The following MCTP1 variants were observed in gnomAD, a reference collection of about 807,000 sequenced individuals.
The protein encoded by MCTP1 is multiple C2 and transmembrane domain-containing protein 1.
MCTP1 carries 69 observed loss-of-function variants against 120.6 expected under a neutral mutation model. The observed-to-expected ratio is 0.57, with a 90% CI of 0.47 to 0.70. The LOEUF is 0.70. Ranked by LOEUF, MCTP1 falls within the 30% of genes least tolerant of loss-of-function variation. The probability of loss-of-function intolerance (pLI) is 0.00; values close to 1 mark genes in which losing one functional copy is unlikely to be tolerated. For missense variants in MCTP1, 1,203 were observed against 1,248.8 expected, an observed-to-expected ratio of 0.96 and a Z score of 0.55; for synonymous variants, 529 against 493.1, an observed-to-expected ratio of 1.07 and a Z score of -0.96.
At chr5:94,914,947 T>A (rs1302764869) in intron 8 of MCTP1, among the ~76,000 whole-genome samples, 1 of 152,216 alleles carries the variant, frequency 6.6e-6, no homozygotes, top group Non-Finnish European at 1.5e-5. Flanking sequence ...CCACTTCTGC[T>A]GCTGTTGAGA....
intron 19 of MCTP1, among the ~76,000 whole-genome samples, chr5:94,763,940 C>A (rs1022262576): frequency 3.3e-5 from 5 of 152,106 alleles, no homozygotes; most frequent in African/African-American, 1.2e-4. Context: ...TATTTATCAG[C>A]CTAGATTAAG....
At chr5:94,897,679 A>G (rs1385807822) in intron 10 of MCTP1, among the ~76,000 whole-genome samples, 1 of 152,120 alleles carries the variant, frequency 6.6e-6, no homozygotes, top group Non-Finnish European at 1.5e-5. Flanking sequence ...TTTTCCCCCA[A>G]ACTTTTATTT....
chr5:95,061,407 G>GGTTGTTTTTTTTT (rs749862250), intron 1 of MCTP1, among the ~76,000 whole-genome samples: 1 of 67,858 alleles, frequency 1.5e-5, no homozygotes, highest in South Asian at 5.0e-4. Context: ...ACCCCTTAAG[G>GGTTGTTTTTTTTT]GTTTTTTTTT....
At chr5:94,831,157 C>T (rs168846) in intron 17 of MCTP1, among the ~76,000 whole-genome samples, 1 of 152,074 alleles carries the variant, frequency 6.6e-6, no homozygotes, top group East Asian at 1.9e-4. Flanking sequence ...TAAAACATGC[C>T]GCATTGCCAA....
In MCTP1 at chr5:95,106,805, G is replaced by A. The variant is rs371222525; in HGVS notation, c.721-89321C>T. Among the ~76,000 whole-genome samples, 45 of 152,278 alleles carry A rather than the reference G, an allele frequency of 3.0e-4. 1 individual carries two copies. In the South Asian group the frequency reaches 6.6e-3, roughly 22 times the overall value. ...GAAAGCATGGTTCACAGATGTCTGC[G>A]TTGACTCCATCTAACTGATCCAGAA... is the stretch of plus-strand genomic sequence containing the variant. On this transcript the variant is annotated intron_variant, in intron 1 of 22. Coordinates refer to ENST00000515393, the MANE Select transcript of MCTP1 (RefSeq NM_024717.7).
intron 1 of MCTP1, among the ~76,000 whole-genome samples, chr5:95,032,447 A>G (rs1417910600): frequency 1.3e-5 from 2 of 152,152 alleles, no homozygotes; most frequent in African/African-American, 2.4e-5. Context: ...TCTCAAAACC[A>G]TACAAGTACA....
intron 1 of MCTP1, among the ~76,000 whole-genome samples, chr5:95,053,249 C>T (rs999921375): frequency 1.3e-5 from 2 of 152,154 alleles, no homozygotes; most frequent in African/African-American, 4.8e-5. Flanking sequence ...AAGCATATCT[C>T]CACCCCCACT....
Position 94,860,004 on chromosome 5 carries a change from C to T in MCTP1, c.2436+8329G>A, listed in dbSNP as rs534539184. Among the ~76,000 whole-genome samples, 3 of 151,666 alleles carry T rather than the reference C, an allele frequency of 2.0e-5. No individual in the cohort carries two copies. In the East Asian group the frequency reaches 5.9e-4, roughly 30 times the overall value. On this transcript the variant is annotated intron_variant, in intron 17 of 22. Transcript: ENST00000515393. Reference sequence around the variant, plus strand: ...TAGAATGATTTAACTATGGAAAATGCATTAAGATTATTTATATATAGCTAC... The same window carrying T: ...TAGAATGATTTAACTATGGAAAATGTATTAAGATTATTTATATATAGCTAC...
intron 10 of MCTP1, 107 bp downstream of exon 10, chr5:94,909,144 C>A: frequency 1.5e-6 from 2 of 1,306,654 alleles, no homozygotes; most frequent in Non-Finnish European, 1.1e-6. Flanking sequence ...TGGTAAAGTC[C>A]CTTTCTTCAA....
intron 19 of MCTP1, among the ~76,000 whole-genome samples, chr5:94,717,246 A>T (rs1177938374): frequency 2.0e-5 from 3 of 152,228 alleles, no homozygotes; most frequent in Non-Finnish European, 4.4e-5. Flanking sequence ...AAAGTAATTC[A>T]TCACATAAAC....
chr5:95,236,320 A>G (rs1755540701), intron 1 of MCTP1, among the ~76,000 whole-genome samples: 1 of 152,260 alleles, frequency 6.6e-6, no homozygotes, highest in African/African-American at 2.4e-5. Context: ...TTTAGAAGAT[A>G]GGGAATATAT....
intron 1 of MCTP1, among the ~76,000 whole-genome samples, chr5:95,076,172 A>C (rs1429511888): frequency 6.6e-6 from 1 of 151,094 alleles, no homozygotes; most frequent in Non-Finnish European, 1.5e-5. Context: ...AATTATAATG[A>C]TATATTATGA....
intron 8 of MCTP1, among the ~76,000 whole-genome samples, chr5:94,916,524 ATTACTT>A (rs1810106292): frequency 6.6e-6 from 1 of 152,192 alleles, no homozygotes. Flanking sequence ...ATAGTCATTT[ATTACTT>A]TTACTTATTT....
chr5:94,908,861 G>A (rs974567184), intron 10 of MCTP1, among the ~76,000 whole-genome samples: 12 of 152,006 alleles, frequency 7.9e-5, no homozygotes, highest in Non-Finnish European at 1.3e-4. Context: ...CTTGTAGGGC[G>A]TTGTAGAAAA....
chr5:94,913,302 T>C (rs1424146613), intron 8 of MCTP1, among the ~76,000 whole-genome samples: 1 of 152,186 alleles, frequency 6.6e-6, no homozygotes, highest in Non-Finnish European at 1.5e-5. Context: ...TGCCAAAATA[T>C]GTATACAATA....
chr5:94,714,743 A>G, intron 20 of MCTP1, 34 bp downstream of exon 20: 2 of 1,268,210 alleles, frequency 1.6e-6, no homozygotes, highest in Non-Finnish European at 2.3e-6. Flanking sequence ...CTTATCCCAC[A>G]GAAGAATGGG....
At chr5:94,764,827 C>T (rs981113844) in intron 19 of MCTP1, among the ~76,000 whole-genome samples, 1 of 94,830 alleles carries the variant, frequency 1.1e-5, no homozygotes, top group South Asian at 4.1e-4. Flanking sequence ...ATGACCTGGA[C>T]CAAAAAAAAA....
intron 1 of MCTP1, among the ~76,000 whole-genome samples, chr5:95,182,980 C>T (rs1377390168): frequency 3.4e-5 from 5 of 148,984 alleles, no homozygotes; most frequent in African/African-American, 7.5e-5. Flanking sequence ...GGGCTGAGAT[C>T]GCACCATTGC....
intron 17 of MCTP1, among the ~76,000 whole-genome samples, chr5:94,866,678 C>G (rs2112451): frequency 0.022 from 3,362 of 151,346 alleles, 48 homozygotes; most frequent in Middle Eastern, 0.037. Context: ...CCCTTACAGT[C>G]TTACAGTCAA....
Sources: gnomAD v4.1 joint callset for allele counts (sites outside exome capture counted in the v4.1 genomes callset) on GRCh38, gnomAD v4.1.1 for gene constraint, MANE v1.5 for transcripts, NCBI Gene and HGNC (gene_info 2026-07-23, HGNC 2026-07-21) for gene names.